TAFA2: variants seen among roughly 807,000 people sequenced by gnomAD.
TAFA2 encodes the protein TAFA chemokine like family member 2.
In TAFA2, 7 loss-of-function variants were observed where a neutral mutation model predicts 18.8. That is an observed-to-expected ratio of 0.37 (90% confidence interval 0.21 to 0.70). The LOEUF is 0.70. TAFA2 is among the 30% of genes least tolerant of loss of function. TAFA2 has a pLI of 0.53. For synonymous variants in TAFA2, 60 were observed against 54.2 expected, an observed-to-expected ratio of 1.11 and a Z score of -0.47; for missense variants, 122 against 158.1, an observed-to-expected ratio of 0.77 and a Z score of 1.23.
At chr12:61,957,959 A>C (rs1878754758) in intron 1 of TAFA2, among the ~76,000 whole-genome samples, 1 of 152,066 alleles carries the variant, frequency 6.6e-6, no homozygotes, top group Non-Finnish European at 1.5e-5. Flanking sequence ...AGCCATTGAC[A>C]CAACCTTTAC....
intron 1 of TAFA2, among the ~76,000 whole-genome samples, chr12:62,245,071 CATAAA>C (rs1318317532): frequency 6.6e-6 from 1 of 151,808 alleles, no homozygotes; most frequent in Admixed American, 6.6e-5. Context: ...TTTTATATCT[CATAAA>C]ATAAAGCTTT....
intron 1 of TAFA2, among the ~76,000 whole-genome samples, chr12:61,960,982 C>G (rs1878865156): frequency 6.6e-6 from 1 of 151,852 alleles, no homozygotes; most frequent in Admixed American, 6.6e-5. Flanking sequence ...AGAAAAGAGG[C>G]TTAATTGACT....
intron 1 of TAFA2, among the ~76,000 whole-genome samples, chr12:61,910,112 G>C (rs1230325823): frequency 6.7e-6 from 1 of 150,206 alleles, no homozygotes; most frequent in Non-Finnish European, 1.5e-5. Context: ...GTGTGTGTGT[G>C]TGTGTGTGTG....
At chr12:62,021,111 TG>T (rs1184086453) in intron 1 of TAFA2, among the ~76,000 whole-genome samples, 9 of 152,106 alleles carry the variant, frequency 5.9e-5, no homozygotes, top group African/African-American at 2.2e-4. Flanking sequence ...TACTAAATAC[TG>T]GGAAAACAAG....
At chr12:62,183,521 C>G (rs923676798) in intron 1 of TAFA2, among the ~76,000 whole-genome samples, 1 of 152,156 alleles carries the variant, frequency 6.6e-6, no homozygotes, top group Non-Finnish European at 1.5e-5. Context: ...GTAGCTGGGA[C>G]TACAGGCACT....
intron 1 of TAFA2, among the ~76,000 whole-genome samples, chr12:62,080,391 T>A (rs920957295): frequency 6.6e-6 from 1 of 152,174 alleles, no homozygotes; most frequent in Admixed American, 6.5e-5. Context: ...TACAAGTATG[T>A]ACAGGGGGTG....
intron 1 of TAFA2, among the ~76,000 whole-genome samples, chr12:61,871,683 A>G (rs1874609614): frequency 6.6e-6 from 1 of 152,200 alleles, no homozygotes. Flanking sequence ...AGGACTGACG[A>G]TTAAATCTCC....
chr12:61,778,439 C>T (rs972475204), intron 2 of TAFA2, among the ~76,000 whole-genome samples: 2 of 151,716 alleles, frequency 1.3e-5, no homozygotes, highest in African/African-American at 2.4e-5. Context: ...AAACGCTTGC[C>T]ACCAGTCATG....
intron 1 of TAFA2, among the ~76,000 whole-genome samples, chr12:62,035,805 G>A (rs1381951266): frequency 9.3e-5 from 13 of 139,968 alleles, no homozygotes; most frequent in Admixed American, 3.0e-4. Flanking sequence ...GCAGTGGCGC[G>A]ATCTCGACTC....
At chr12:61,811,037 C>T (rs1327880410) in intron 2 of TAFA2, among the ~76,000 whole-genome samples, 1 of 150,302 alleles carries the variant, frequency 6.7e-6, no homozygotes, top group Non-Finnish European at 1.5e-5. Context: ...TACATGTAGA[C>T]AAATCACTAC....
intron 1 of TAFA2, among the ~76,000 whole-genome samples, chr12:61,900,800 T>C (rs780659174): frequency 3.3e-5 from 5 of 152,226 alleles, no homozygotes; most frequent in Admixed American, 1.3e-4. Flanking sequence ...ATTTTTGGCC[T>C]TACTATGCAT....
At chr12:62,163,030 A>G (rs1001974333) in intron 1 of TAFA2, among the ~76,000 whole-genome samples, 18 of 152,132 alleles carry the variant, frequency 1.2e-4, no homozygotes, top group African/African-American at 4.1e-4. Context: ...ATTTTTGTAA[A>G]TGCTGAGTAG....
intron 1 of TAFA2, among the ~76,000 whole-genome samples, chr12:62,240,844 T>C (rs1318677145): frequency 6.6e-6 from 1 of 152,160 alleles, no homozygotes; most frequent in Non-Finnish European, 1.5e-5. Flanking sequence ...GCGGCGGCAT[T>C]AGATTCTCAT....
At chr12:61,897,602 T>G (rs1875907803) in intron 1 of TAFA2, among the ~76,000 whole-genome samples, 1 of 152,008 alleles carries the variant, frequency 6.6e-6, no homozygotes. Flanking sequence ...TCAGATCTCA[T>G]GAGAACTCAC....
At chr12:61,931,332 C>T (rs889452160) in intron 1 of TAFA2, among the ~76,000 whole-genome samples, 25 of 152,258 alleles carry the variant, frequency 1.6e-4, no homozygotes, top group African/African-American at 6.0e-4. Flanking sequence ...TCATATGACA[C>T]ATGAAAATAA....
Position 62,098,792 on chromosome 12 carries a change from AT to A in TAFA2, c.-2+92466del, listed in dbSNP as rs528072103. ...CCATCAGAGACTTAAAGATATTAAA[AT>A]TGAAATTGAATAAAAATATGAATTC... On this transcript the variant is annotated intron_variant, in intron 1 of 4. Transcript: ENST00000416284. Among the ~76,000 whole-genome samples, 7 of 152,306 alleles carry A rather than the reference AT, an allele frequency of 4.6e-5. No homozygotes were observed. The East Asian group carries it at 1.4e-3, about 29-fold the overall frequency.
Position 61,814,049 on chromosome 12 carries a change from C to T in TAFA2, c.106+53271G>A, listed in dbSNP as rs978747210. Among the ~76,000 whole-genome samples, 193 of 151,528 alleles carry T rather than the reference C, an allele frequency of 1.3e-3. 3 individuals are homozygous for T. Among genetic ancestry groups the T allele is most frequent in the Non-Finnish European group, 1.8e-4 (12 of 68,034 alleles). On this transcript the variant is annotated intron_variant, in intron 2 of 4. Coordinates refer to ENST00000416284, the MANE Select transcript of TAFA2 (RefSeq NM_178539.5). ...GTTTACATTCGAGAAAAGGCACACA[C>T]TGTATGCAAACAATAAGCAGAATCA...
intron 1 of TAFA2, among the ~76,000 whole-genome samples, chr12:62,249,679 C>T (rs2062903149): frequency 6.6e-6 from 1 of 152,190 alleles, no homozygotes; most frequent in African/African-American, 2.4e-5. Flanking sequence ...AGACTCAGTG[C>T]TCAGTACCAG....
chr12:62,229,338 T>C (rs55931991), intron 1 of TAFA2, among the ~76,000 whole-genome samples: 14,472 of 152,174 alleles, frequency 0.095, 756 homozygotes, highest in Middle Eastern at 0.18. Context: ...TTCACTATAA[T>C]GCTAGCTGTT....
Sources: allele counts gnomAD v4.1 joint callset (sites outside exome capture counted in the v4.1 genomes callset), GRCh38; gene constraint gnomAD v4.1.1; transcripts MANE v1.5; gene names NCBI Gene and HGNC (gene_info 2026-07-23, HGNC 2026-07-21).